The following BICRA variants were observed in gnomAD, a reference collection of about 807,000 sequenced individuals.
BICRA encodes the protein BRD4-interacting chromatin-remodeling complex-associated protein.
BICRA carries 31 observed loss-of-function variants against 96.9 expected under a neutral mutation model. The observed-to-expected ratio is 0.32, with a 90% CI of 0.24 to 0.43. The LOEUF is 0.43. Ranked by LOEUF, BICRA falls within the 20% of genes least tolerant of loss-of-function variation. The probability of loss-of-function intolerance (pLI) is 1.00; values close to 1 mark genes in which losing one functional copy is unlikely to be tolerated. For synonymous variants in BICRA, 1,350 were observed against 1,071.8 expected, an observed-to-expected ratio of 1.26 and a Z score of -5.07; for missense variants, 2,283 against 2,190.3, an observed-to-expected ratio of 1.04 and a Z score of -0.84.
chr19:47,648,264 C>T (rs1046796454), intron 1 of BICRA, among the ~76,000 whole-genome samples: 1 of 151,962 alleles, frequency 6.6e-6, no homozygotes, highest in Non-Finnish European at 1.5e-5. Context: ...CCTCCTCTCC[C>T]GCCTCCAGCT....
intron 1 of BICRA, among the ~76,000 whole-genome samples, chr19:47,619,872 A>G (rs990439986): frequency 4.6e-5 from 7 of 152,184 alleles, no homozygotes; most frequent in African/African-American, 1.7e-4. Context: ...TAGTTTAAGC[A>G]TGCCTTTCCA....
Position 47,698,668 on chromosome 19 carries a change from G to C in BICRA, c.3283G>C (p.Val1095Leu), listed in dbSNP as rs910282287. Residue 1095 changes from valine to leucine, a missense_variant, in exon 12 of 15, where the codon GTC becomes CTC. By Grantham distance (32) the Val-to-Leu change is conservative. Coordinates refer to ENST00000594866, the MANE Select transcript of BICRA (RefSeq NM_001394372.1). The surrounding 1 kb of genome is among the most constrained non-coding windows in gnomAD (Gnocchi z 4.8). Reference protein sequence around the residue: ...LEHLHKHQGSVLHPDYKTAFP... With the variant: ...LEHLHKHQGSLLHPDYKTAFP... ...GCATTTGCACAAACACCAGGGCTCCGTCCTGCACCCCGACTACAAGACGGC... is the reference window on the plus strand; with the variant it reads ...GCATTTGCACAAACACCAGGGCTCCCTCCTGCACCCCGACTACAAGACGGC... The C allele has an allele frequency of 1.3e-6, 2 of 1,514,964 alleles. No individual in the cohort carries two copies. The highest frequency in any genetic ancestry group is 1.8e-6 in the Non-Finnish European group (2 of 1,109,852). The allele number at this position is 1,514,964 out of a possible 1,614,324, so 93.8% of individuals were successfully genotyped here.
chr19:47,701,914 C>T lies in BICRA; in HGVS notation c.4182C>T (p.Asn1394=), dbSNP rs1973459864. The T allele has an allele frequency of 2.1e-6, 3 of 1,437,068 alleles. No individual in the cohort carries two copies. The highest frequency in any genetic ancestry group is 3.0e-5 in the Admixed American group (1 of 33,052). The allele number at this position is 1,437,068 out of a possible 1,614,324, so 89.0% of individuals were successfully genotyped here. The part of the protein sequence containing the change: ...RLPLRKTYRE[N]VGGPGAPEGT... ...CACTGCGCAAGACCTACCGCGAGAA[C>T]GTGGGGGGCCCTGGCGCGCCGGAGG... Residue 1394 remains asparagine, a synonymous_variant, in exon 15 of 15, where the codon AAC becomes AAT. Transcript: ENST00000594866. This position sits in a 1 kb window ranked among gnomAD's most constrained non-coding sequence, Gnocchi z 5.4.
At chr19:47,633,082 T>C (rs1281557100) in intron 1 of BICRA, among the ~76,000 whole-genome samples, 1 of 41,462 alleles carries the variant, frequency 2.4e-5, no homozygotes, top group Non-Finnish European at 8.0e-5. Flanking sequence ...TTTTATTTCT[T>C]TTTTTTTTTT....
rs889761036 is a variant in BICRA, at chr19:47,673,480, C to T, written c.-5-90C>T. ...AGGGAACAGAAACTCTGACCCCCTCCAGGGGGCTCCCCTGAAGGGAGGGGG... is the reference window on the plus strand; with the variant it reads ...AGGGAACAGAAACTCTGACCCCCTCTAGGGGGCTCCCCTGAAGGGAGGGGG... On this transcript the variant is annotated intron_variant, in intron 2 of 14. Coordinates refer to ENST00000594866, the MANE Select transcript of BICRA (RefSeq NM_001394372.1). 1.3e-5 allele frequency: 13 copies of T among 1,015,190 alleles called. No individual in the cohort carries two copies. The African/African-American group carries it at 1.9e-4, about 15-fold the overall frequency. The allele number at this position is 1,015,190 out of a possible 1,614,324, so 62.9% of individuals were successfully genotyped here.
intron 1 of BICRA, among the ~76,000 whole-genome samples, chr19:47,659,560 A>T (rs778602477): frequency 5.3e-5 from 8 of 151,974 alleles, no homozygotes; most frequent in African/African-American, 1.2e-4. Context: ...CTCCATGTGG[A>T]TGCCACCCTT....
At chr19:47,638,893 G>T (rs1168970095) in intron 1 of BICRA, among the ~76,000 whole-genome samples, 1 of 152,116 alleles carries the variant, frequency 6.6e-6, no homozygotes, top group Non-Finnish European at 1.5e-5. Context: ...GATCTCAAGT[G>T]ACTTGCTTGC....
chr19:47,678,972 C>T (rs1017935897), intron 5 of BICRA: 27 of 233,134 alleles, frequency 1.2e-4, no homozygotes, highest in Middle Eastern at 2.8e-3. Context: ...CTCGTAGCTC[C>T]ACTCTGCAGC....
At chr19:47,639,230 ACTC>A (rs1002928802) in intron 1 of BICRA, among the ~76,000 whole-genome samples, 11 of 146,192 alleles carry the variant, frequency 7.5e-5, no homozygotes, top group African/African-American at 2.8e-4. Context: ...CTGGCCTTGA[ACTC>A]CTGACCTCAA....
intron 1 of BICRA, among the ~76,000 whole-genome samples, chr19:47,615,350 A>T (rs1408700565): frequency 1.3e-5 from 2 of 152,212 alleles, no homozygotes; most frequent in Non-Finnish European, 2.9e-5. Context: ...CCTGTCGCCC[A>T]GGCAGCATCT....
At chr19:47,692,013 G>C (rs1417140894) in intron 7 of BICRA, among the ~76,000 whole-genome samples, 2 of 152,148 alleles carry the variant, frequency 1.3e-5, no homozygotes, top group African/African-American at 4.8e-5. Flanking sequence ...CAGGTGCCCA[G>C]GGATCCTGTA....
chr19:47,666,264 C>T (rs1026768797), intron 1 of BICRA, among the ~76,000 whole-genome samples: 11 of 150,156 alleles, frequency 7.3e-5, no homozygotes, highest in Admixed American at 2.0e-4. Flanking sequence ...CCCAGCCCCT[C>T]GCCCAATTTC....
Position 47,694,716 on chromosome 19 carries a change from G to T in BICRA, c.2885G>T (p.Arg962Ile). The change falls in exon 8 of 15, where the codon AGA becomes ATA. Residue 962 changes from arginine to isoleucine, a missense_variant. Coordinates refer to ENST00000594866, the MANE Select transcript of BICRA (RefSeq NM_001394372.1). ...CCCCAGCCGAAGGCTCTTCTCGAGAGATTTCACCAGGTAACGGGAGGCAGG... is the reference window on the plus strand; with the variant it reads ...CCCCAGCCGAAGGCTCTTCTCGAGATATTTCACCAGGTAACGGGAGGCAGG... Reference protein sequence around the residue: ...ALPQPKALLERFHQVPSGIIL... With the variant: ...ALPQPKALLEIFHQVPSGIIL... 6.6e-7 allele frequency: 1 copy of T among 1,522,648 alleles called. No homozygotes were observed. The highest frequency in any genetic ancestry group is 1.4e-5 in the African/African-American group (1 of 73,294). The allele number at this position is 1,522,648 out of a possible 1,614,324, so 94.3% of individuals were successfully genotyped here.
intron 1 of BICRA, chr19:47,615,978 A>G (rs1165398635): frequency 6.6e-6 from 1 of 152,394 alleles, no homozygotes; most frequent in African/African-American, 2.4e-5. Flanking sequence ...TGCGGGACTC[A>G]TGCTGACTCC....
intron 7 of BICRA, among the ~76,000 whole-genome samples, chr19:47,683,820 G>A (rs1385105215): frequency 6.6e-6 from 1 of 152,114 alleles, no homozygotes; most frequent in African/African-American, 2.4e-5. Flanking sequence ...TCCTGACCTC[G>A]TTATCCACCC....
chr19:47,667,675 G>A (rs1423968819), intron 1 of BICRA, among the ~76,000 whole-genome samples: 5 of 152,146 alleles, frequency 3.3e-5, no homozygotes, highest in Non-Finnish European at 7.3e-5. Context: ...GGACCTGAGA[G>A]GAAGAGAGAA....
intron 1 of BICRA, among the ~76,000 whole-genome samples, chr19:47,646,807 C>A: frequency 6.6e-6 from 1 of 152,150 alleles, no homozygotes; most frequent in East Asian, 1.9e-4. Context: ...AGATATAATT[C>A]ACATACCATA....
At chr19:47,660,293 G>A (rs1972685855) in intron 1 of BICRA, among the ~76,000 whole-genome samples, 1 of 152,110 alleles carries the variant, frequency 6.6e-6, no homozygotes, top group African/African-American at 2.4e-5. Context: ...ATGGCCTTCT[G>A]TTCTTCTGTG....
chr19:47,668,497 T>A (rs969221281), intron 1 of BICRA, among the ~76,000 whole-genome samples: 24 of 151,072 alleles, frequency 1.6e-4, no homozygotes, highest in Non-Finnish European at 1.5e-4. Context: ...CTTTTTTTTT[T>A]TTTTTTTGAG....
Sources: gnomAD v4.1 joint callset for allele counts (sites outside exome capture counted in the v4.1 genomes callset) on GRCh38, gnomAD v4.1.1 for gene constraint, Gnocchi (gnomAD v3.1) non-coding constraint, MANE v1.5 for transcripts, NCBI Gene and HGNC (gene_info 2026-07-23, HGNC 2026-07-21) for gene names.